The following FLT3LG variants were observed in gnomAD, a reference collection of about 807,000 sequenced individuals.
FLT3LG encodes fms-related tyrosine kinase 3 ligand.
FLT3LG carries 8 observed loss-of-function variants against 30.9 expected under a neutral mutation model. The observed-to-expected ratio is 0.26, with a 90% confidence interval of 0.15 to 0.47. The LOEUF is 0.47. Ranked by LOEUF, FLT3LG falls within the 20% of genes least tolerant of loss-of-function variation. FLT3LG has a pLI of 0.99. For missense variants in FLT3LG, 278 were observed against 306.2 expected (o/e 0.91, Z 0.69); for synonymous variants, 123 against 135.9 (o/e 0.91, Z 0.66).
Position 49,478,765 on chromosome 19 carries a change from A to T in FLT3LG, c.343-144A>T, listed in dbSNP as rs563583502. The T allele has an allele frequency of 6.3e-3, 3,611 of 577,218 alleles. 21 individuals are homozygous for T. The highest frequency in any genetic ancestry group is 8.0e-3 in the Non-Finnish European group (3,342 of 416,974). The allele number at this position is 577,218 out of a possible 1,614,324, so 35.8% of individuals were successfully genotyped here. On this transcript the variant is annotated intron_variant, in intron 5 of 8. Coordinates refer to ENST00000597551, the MANE Select transcript of FLT3LG (RefSeq NM_001459.4). ...GAGTGAGACTCTATCTCAAAAAAAA[A>T]TTAATTAATTAAATAAATAAACTCT...
chr19:49,477,666 C>A (rs1417079692), intron 5 of FLT3LG, among the ~76,000 whole-genome samples: 1 of 151,892 alleles, frequency 6.6e-6, no homozygotes, highest in Non-Finnish European at 1.5e-5. Context: ...TGCTTGAACC[C>A]AGGAGGCAGA....
Position 49,480,320 on chromosome 19 carries a change from A to G in FLT3LG, c.504A>G (p.Pro168=), listed in dbSNP as rs769566043. 2 of 1,605,952 alleles carry G rather than the reference A, an allele frequency of 1.2e-6. No individual in the cohort carries two copies. Among genetic ancestry groups the G allele is most frequent in the East Asian group, 2.2e-5 (1 of 44,780 alleles). ...CQPDSSTLPP[P]WSPRPLEATA... is the part of the protein sequence containing the mutation. ...CAGACTCCTCAACCCTGCCACCCCC[A>G]TGGAGTCCCCGGCCCCTGGAGGCCA... is the stretch of plus-strand genomic sequence containing the variant. The change falls in exon 7 of 9, where the codon CCA becomes CCG. Residue 168 remains proline (P), a synonymous_variant. Transcript: ENST00000597551.
rs772948594 is a variant in FLT3LG at position 49,476,216 on chromosome 19, G to A, written c.198+18G>A. The stretch of plus-strand genomic sequence containing the variant: ...TGCAGGACGTAAGTCATGTTGGGAG[G>A]GACCTGGGATGGAGGTGGGGACCAC... On this transcript the variant is annotated intron_variant, in intron 4 of 8. Transcript: ENST00000597551. The surrounding 1 kb of genome is among the most constrained non-coding windows in gnomAD (Gnocchi z 5.3). 2 of 1,602,788 alleles carry A rather than the reference G, an allele frequency of 1.2e-6. No individual in the cohort carries two copies. The highest frequency in any genetic ancestry group is 2.2e-5 in the East Asian group (1 of 44,832).
At chr19:49,474,575 C>T (rs560612184) in intron 1 of FLT3LG, 28 bp from the exon 2 acceptor site, 15 of 1,562,512 alleles carry the variant, frequency 9.6e-6, no homozygotes, top group Admixed American at 8.8e-5. Context: ...CATGAGGGTC[C>T]GAGACTTGTT....
At chr19:49,480,803 G>A (rs1375204578) in intron 8 of FLT3LG, 183 bp downstream of exon 8, 12 of 616,530 alleles carry the variant, frequency 1.9e-5, no homozygotes, top group South Asian at 8.0e-5. Context: ...AGGCCGAGGC[G>A]GGTGGATCAC....
At chr19:49,474,417 G>A (rs1183523387) in intron 1 of FLT3LG, 136 bp downstream of exon 1, 11 of 604,952 alleles carry the variant, frequency 1.8e-5, no homozygotes, top group Non-Finnish European at 3.3e-5. Context: ...ACCAGACGTC[G>A]AGGTTCTTAG....
intron 8 of FLT3LG, chr19:49,481,031 CAAAAA>C (rs57522107): frequency 1.0e-4 from 9 of 88,338 alleles, no homozygotes; most frequent in Non-Finnish European, 1.6e-4. Flanking sequence ...GACTCCGTCT[CAAAAA>C]AAAAAAAAAA....
chr19:49,477,388 G>A (rs557171758), intron 5 of FLT3LG, among the ~76,000 whole-genome samples: 3 of 151,988 alleles, frequency 2.0e-5, no homozygotes, highest in Non-Finnish European at 4.4e-5. Flanking sequence ...AGGCTGCGAT[G>A]AGCTATGATT....
chr19:49,480,440 G>C lies in FLT3LG; in HGVS notation c.624G>C (p.Gln208His). 6.3e-7 allele frequency: 1 copy of C among 1,596,938 alleles called. No individual in the cohort carries two copies. The highest frequency in any genetic ancestry group is 8.5e-7 in the Non-Finnish European group (1 of 1,172,268). The change falls in exon 7 of 9, where the codon CAG becomes CAC. Residue 208 changes from glutamine to histidine, a missense_variant. Transcript: ENST00000597551. ...CCGCTGCCTGGTGCCTGCACTGGCA[G>C]AGGACGCGGCGGAGGACACCCCGCC... ...LLAAAWCLHWQRTRRRTPRPG... is the reference protein window; with the variant it reads ...LLAAAWCLHWHRTRRRTPRPG...
chr19:49,474,898 G>A, intron 2 of FLT3LG, among the ~76,000 whole-genome samples: 1 of 127,586 alleles, frequency 7.8e-6, no homozygotes, highest in Non-Finnish European at 1.6e-5. Context: ...AGAGGAGAGG[G>A]AGATAGAGAG....
Position 49,476,669 on chromosome 19 carries a change from C to T in FLT3LG, c.342+103C>T. On this transcript the variant is annotated intron_variant, in intron 5 of 8. Coordinates refer to ENST00000597551, the MANE Select transcript of FLT3LG (RefSeq NM_001459.4). The surrounding 1 kb of genome is among the most constrained non-coding windows in gnomAD (Gnocchi z 5.3). ...TTATTGGCGATTTGGACCATAGCCA[C>T]CCAACGAAGGTAGAGCGAGAAGCGC... 4 of 1,508,490 alleles carry T rather than the reference C, an allele frequency of 2.7e-6. No homozygotes were observed. Among genetic ancestry groups the T allele is most frequent in the Middle Eastern group, 1.8e-4 (1 of 5,582 alleles). The allele number at this position is 1,508,490 out of a possible 1,614,324, so 93.4% of individuals were successfully genotyped here.
chr19:49,474,842 G>T (rs1159187245), intron 2 of FLT3LG, among the ~76,000 whole-genome samples, 170 bp downstream of exon 2: 1 of 144,102 alleles, frequency 6.9e-6, no homozygotes, highest in Admixed American at 6.9e-5. Context: ...GACAGAGGAG[G>T]GGGAGATGGA....
intron 8 of FLT3LG, among the ~76,000 whole-genome samples, chr19:49,485,505 T>C (rs1171613617): frequency 2.6e-5 from 4 of 152,138 alleles, no homozygotes; most frequent in Non-Finnish European, 5.9e-5. Flanking sequence ...CTCGACTCAC[T>C]GCAACCTCCG....
intron 5 of FLT3LG, among the ~76,000 whole-genome samples, chr19:49,477,240 A>C (rs2079424863): frequency 6.6e-6 from 1 of 152,144 alleles, no homozygotes; most frequent in Admixed American, 6.6e-5. Flanking sequence ...CAGGAGTTCA[A>C]GACCAGCCCG....
chr19:49,480,682 G>C, intron 8 of FLT3LG, 62 bp downstream of exon 8: 1 of 1,516,952 alleles, frequency 6.6e-7, no homozygotes, highest in South Asian at 1.2e-5. Flanking sequence ...GGGTCACTAG[G>C]AGGCCATGGA....
intron 5 of FLT3LG, among the ~76,000 whole-genome samples, chr19:49,477,220 T>G (rs761714648): frequency 1.3e-5 from 2 of 151,722 alleles, no homozygotes; most frequent in African/African-American, 4.8e-5. Context: ...GTGGGAGGAT[T>G]ATTTGAGCCC....
In FLT3LG at chr19:49,476,772, G is replaced by T; in HGVS notation, c.342+206G>T. ...TGGGGAGCAGTCTGGTCCCATTCTG[G>T]GGCCCCGGTTTCCTAGGCCATGATG... On this transcript the variant is annotated intron_variant, in intron 5 of 8. Transcript: ENST00000597551. This position sits in a 1 kb window ranked among gnomAD's most constrained non-coding sequence, Gnocchi z 5.3. 2 of 613,092 alleles carry T rather than the reference G, an allele frequency of 3.3e-6. No homozygotes were observed. The highest frequency in any genetic ancestry group is 2.7e-6 in the Non-Finnish European group (1 of 368,876). 38.0% of individuals were successfully genotyped at this position (613,092 alleles called of 1,614,324 possible).
chr19:49,480,158 A>C (rs2079552135), intron 6 of FLT3LG, 140 bp from the exon 7 acceptor site: 1 of 629,254 alleles, frequency 1.6e-6, no homozygotes, highest in Non-Finnish European at 2.9e-6. Flanking sequence ...TGATTATCCT[A>C]GTTTTACAGA....
chr19:49,484,520 G>A (rs1017966820), intron 8 of FLT3LG, among the ~76,000 whole-genome samples: 1 of 150,998 alleles, frequency 6.6e-6, no homozygotes, highest in Non-Finnish European at 1.5e-5. Context: ...TTTTTGAGAC[G>A]GAGTCTCACT....
Sources: allele counts gnomAD v4.1 joint callset (sites outside exome capture counted in the v4.1 genomes callset), GRCh38; gene constraint gnomAD v4.1.1; non-coding constraint Gnocchi (gnomAD v3.1); transcripts MANE v1.5; gene names NCBI Gene and HGNC (gene_info 2026-07-23, HGNC 2026-07-21).